The following ARHGEF37 variants were observed in gnomAD, a reference collection of about 807,000 sequenced individuals.
The protein encoded by ARHGEF37 is Rho guanine nucleotide exchange factor 37, also known as Rho guanine nucleotide exchange factor (GEF) 37.
ARHGEF37 carries 55 observed loss-of-function variants against 71.1 expected under a neutral mutation model. The observed-to-expected ratio is 0.77, with a 90% CI of 0.62 to 0.97. ARHGEF37 has a LOEUF of 0.97. Ranked by LOEUF, ARHGEF37 falls within the 50% of genes least tolerant of loss-of-function variation. The probability of loss-of-function intolerance (pLI) is 0.00; values close to 1 mark genes in which losing one functional copy is unlikely to be tolerated. For synonymous variants in ARHGEF37, 327 were observed against 350.6 expected (o/e 0.93, Z 0.75); for missense variants, 765 against 836.8 (o/e 0.91, Z 1.06).
intron 1 of ARHGEF37, among the ~76,000 whole-genome samples, chr5:149,582,572 A>G (rs145511480): frequency 2.4e-4 from 36 of 152,350 alleles, no homozygotes; most frequent in African/African-American, 6.0e-4. Flanking sequence ...TATATGCTCA[A>G]TAAAAGTGCT....
rs1383919709 is a variant in ARHGEF37 at position 149,622,076 on chromosome 5, G to A, written c.1335+14G>A. The A allele has an allele frequency of 6.3e-7, 1 of 1,590,134 alleles. No homozygotes were observed. Among genetic ancestry groups the A allele is most frequent in the Non-Finnish European group, 8.6e-7 (1 of 1,167,362 alleles). On this transcript the variant is annotated intron_variant, in intron 9 of 12. Transcript: ENST00000333677. ...AGCATGGCCCAGGTAAGGCCTCTGA[G>A]ACTTGGACACCTGTGGGGAGTAGCC...
In ARHGEF37 at chr5:149,565,795, A is replaced by G. The variant is rs1316626503; in HGVS notation, c.-12+13672A>G. On this transcript the variant is annotated intron_variant, in intron 1 of 2. Coordinates refer to the ARHGEF37 transcript ENST00000505810. The stretch of plus-strand genomic sequence containing the variant: ...CTTGGTGAGGACATGTGATTCCACA[A>G]TCTGGTCTTAGCTTTGTAATGTCAG... Among the ~76,000 whole-genome samples, 4 of 141,820 alleles carry G rather than the reference A, an allele frequency of 2.8e-5. No individual in the cohort carries two copies. The South Asian group carries it at 6.9e-4, about 25-fold the overall frequency. The allele number at this position is 141,820 out of a possible 152,430, so 93.0% of individuals were successfully genotyped here.
At chr5:149,612,158 A>C (rs1203183211) in intron 4 of ARHGEF37, among the ~76,000 whole-genome samples, 1 of 147,938 alleles carries the variant, frequency 6.8e-6, no homozygotes, top group South Asian at 2.1e-4. Context: ...ACTGACAGTG[A>C]CAATAAACCT....
intron 1 of ARHGEF37, among the ~76,000 whole-genome samples, chr5:149,558,735 G>GTA (rs1293276091): frequency 2.0e-4 from 10 of 49,408 alleles, no homozygotes; most frequent in African/African-American, 1.3e-3. Context: ...GTGTGTGTGT[G>GTA]TGTATATATA....
chr5:149,580,783 G>A (rs1763090540), upstream of ARHGEF37, among the ~76,000 whole-genome samples: 1 of 152,156 alleles, frequency 6.6e-6, no homozygotes, highest in Admixed American at 6.5e-5. Context: ...AAAAGAAGTG[G>A]CAGAATGAGA....
At position 149,598,263 on chromosome 5, in the gene ARHGEF37, C is replaced by CTCCTCT. The variant is rs71587782; in HGVS notation, c.186+310_186+311insCTCTTC. ...GTTTGGAACAGATTGCTTAAACTGA[C>CTCCTCT]TCTTCTTCTTCTTCTTCTTCTTCTT... On this transcript the variant is annotated intron_variant, in intron 2 of 12. Coordinates refer to ENST00000333677, the MANE Select transcript of ARHGEF37 (RefSeq NM_001001669.3). Among the ~76,000 whole-genome samples the CTCCTCT allele has an allele frequency of 4.3e-3, 294 of 67,740 alleles. 1 individual carries two copies. Among genetic ancestry groups the CTCCTCT allele is most frequent in the Admixed American group, 6.3e-3 (35 of 5,534 alleles). 44.4% of individuals were successfully genotyped at this position (67,740 alleles called of 152,430 possible).
chr5:149,568,838 A>G (rs1580883280), intron 1 of ARHGEF37, among the ~76,000 whole-genome samples: 1 of 151,194 alleles, frequency 6.6e-6, no homozygotes, highest in East Asian at 1.9e-4. Flanking sequence ...AAAAAGATAC[A>G]GTACATTACC....
intron 2 of ARHGEF37, among the ~76,000 whole-genome samples, chr5:149,598,820 G>GTA (rs1165977518): frequency 1.6e-4 from 23 of 146,932 alleles, no homozygotes; most frequent in African/African-American, 5.0e-4. Flanking sequence ...GTGTGTGTGT[G>GTA]TGTATATATA....
At chr5:149,618,831 G>A in intron 6 of ARHGEF37, 107 bp from the exon 7 acceptor site, 1 of 891,440 alleles carries the variant, frequency 1.1e-6, no homozygotes, top group Non-Finnish European at 1.8e-6. Flanking sequence ...ACCAGCTCTG[G>A]TGGGCGAGTC....
intron 1 of ARHGEF37, among the ~76,000 whole-genome samples, chr5:149,575,322 A>G (rs1328024248): frequency 6.6e-6 from 1 of 152,144 alleles, no homozygotes; most frequent in Non-Finnish European, 1.5e-5. Flanking sequence ...TAATTTCCCT[A>G]TAGAATTGCC....
intron 1 of ARHGEF37, among the ~76,000 whole-genome samples, chr5:149,560,784 A>G (rs1004454770): frequency 6.6e-6 from 1 of 152,140 alleles, no homozygotes; most frequent in African/African-American, 2.4e-5. Context: ...AAATTGTGCC[A>G]TTTATTGATG....
At chr5:149,582,765 C>T (rs1199220291) in intron 1 of ARHGEF37, among the ~76,000 whole-genome samples, 1 of 150,796 alleles carries the variant, frequency 6.6e-6, no homozygotes, top group Non-Finnish European at 1.5e-5. Flanking sequence ...CTATGTACAT[C>T]TATTATGTAC....
intron 1 of ARHGEF37, among the ~76,000 whole-genome samples, chr5:149,570,803 G>A (rs1008512140): frequency 2.0e-5 from 3 of 151,632 alleles, no homozygotes; most frequent in African/African-American, 7.3e-5. Context: ...TTGAACCCGG[G>A]AGGCGGAGGT....
chr5:149,581,448 C>A (rs1262952652), upstream of ARHGEF37: 1 of 151,988 alleles, frequency 6.6e-6, no homozygotes, highest in Non-Finnish European at 1.5e-5. Flanking sequence ...TCGCGGCGCA[C>A]GCACGCAGGC....
At chr5:149,611,795 A>G (rs981573373) in intron 4 of ARHGEF37, among the ~76,000 whole-genome samples, 1 of 152,238 alleles carries the variant, frequency 6.6e-6, no homozygotes, top group African/African-American at 2.4e-5. Flanking sequence ...TATCAGTGCC[A>G]TGCTCCCTTG....
chr5:149,624,044 C>A lies in ARHGEF37; in HGVS notation c.1368C>A (p.Phe456Leu). 6.2e-7 allele frequency: 1 copy of A among 1,607,022 alleles called. No homozygotes were observed. Among genetic ancestry groups the A allele is most frequent in the East Asian group, 2.2e-5 (1 of 44,658 alleles). Residue 456 changes from phenylalanine to leucine, a missense_variant, in exon 10 of 13, where the codon TTC becomes TTA. Physicochemically the swap from Phe to Leu is conservative, Grantham distance 22 (BLOSUM62 0). This residue lies in a region of ARHGEF37 where 390 missense variants were observed against 407.4 expected (regional missense o/e 0.96). Transcript: ENST00000333677. ...ACCACCACGTCCCAGAGCCTGCCTT[C>A]AGGAAGCTGGTGGAGGACGCACTGG... Reference protein sequence around the residue: ...LPHHHVPEPAFRKLVEDALGR... With the variant: ...LPHHHVPEPALRKLVEDALGR...
chr5:149,576,819 G>A (rs1011216540), upstream of ARHGEF37, among the ~76,000 whole-genome samples: 1 of 152,130 alleles, frequency 6.6e-6, no homozygotes, highest in Non-Finnish European at 1.5e-5. Flanking sequence ...AGCCAGGCCT[G>A]GTGGTGTACA....
At chr5:149,594,710 G>C (rs1432227047) in intron 1 of ARHGEF37, among the ~76,000 whole-genome samples, 1 of 152,118 alleles carries the variant, frequency 6.6e-6, no homozygotes, top group Non-Finnish European at 1.5e-5. Flanking sequence ...TGAGCACAAG[G>C]TTACATGGGA....
chr5:149,558,697 G>A (rs397884088), intron 1 of ARHGEF37, among the ~76,000 whole-genome samples: 948 of 28,526 alleles, frequency 0.033, 7 homozygotes, highest in African/African-American at 0.14. Context: ...ATATATGTGT[G>A]TGTGTGTGTG....
Sources: gnomAD v4.1 joint callset for allele counts (sites outside exome capture counted in the v4.1 genomes callset) on GRCh38, gnomAD v4.1.1 for gene constraint, gnomAD v4.1.1 regional missense constraint, MANE v1.5 for transcripts, NCBI Gene and HGNC (gene_info 2026-07-23, HGNC 2026-07-21) for gene names.